Variants in ANKS1B observed in about 807,000 individuals in gnomAD.
ANKS1B encodes ankyrin repeat and sterile alpha motif domain containing 1B, also known as ankyrin repeat and sterile alpha motif domain-containing protein 1B.
ANKS1B carries 36 observed loss-of-function variants against 148.3 expected under a neutral mutation model. That is an observed-to-expected ratio of 0.24 (90% CI 0.19 to 0.32). The LOEUF is 0.32. ANKS1B is among the 10% of genes least tolerant of loss of function. The probability of loss-of-function intolerance (pLI) is 1.00; values close to 1 mark genes in which losing one functional copy is unlikely to be tolerated. For missense variants in ANKS1B, 1,157 were observed against 1,542.6 expected (o/e 0.75, Z 4.19); for synonymous variants, 542 against 560.8 (o/e 0.97, Z 0.47).
intron 15 of ANKS1B, among the ~76,000 whole-genome samples, chr12:99,119,443 TTCATGG>T (rs1236324990): frequency 1.3e-5 from 2 of 152,172 alleles, no homozygotes; most frequent in Non-Finnish European, 2.9e-5. Flanking sequence ...AGCCAGCAAG[TTCATGG>T]TAATTTGTTA....
chr12:99,565,799 G>A lies in ANKS1B; in HGVS notation c.1273-61158C>T, dbSNP rs374844912. On this transcript the variant is annotated intron_variant, in intron 9 of 26. Coordinates refer to ENST00000683438, the MANE Select transcript of ANKS1B (RefSeq NM_001352186.2). The stretch of plus-strand genomic sequence containing the variant: ...GTTTCTGCTTCAATAAATTTCTCAA[G>A]AACTTTGTGGGTCTTCCATGGATTT... Among the ~76,000 whole-genome samples the A allele has an allele frequency of 2.0e-5, 3 of 152,254 alleles. No individual in the cohort carries two copies. The South Asian group carries it at 6.2e-4, about 32-fold the overall frequency.
intron 9 of ANKS1B, among the ~76,000 whole-genome samples, chr12:99,554,746 T>C (rs751459119): frequency 2.6e-5 from 4 of 152,322 alleles, no homozygotes; most frequent in East Asian, 1.9e-4. Context: ...TTTTGTTATA[T>C]AGATAATTTG....
At chr12:98,931,067 G>A (rs2099813286) in intron 17 of ANKS1B, among the ~76,000 whole-genome samples, 1 of 152,076 alleles carries the variant, frequency 6.6e-6, no homozygotes, top group South Asian at 2.1e-4. Flanking sequence ...TAAGGCACGA[G>A]GAGCAATAGC....
At chr12:99,341,547 T>C (rs2089921957) in intron 12 of ANKS1B, among the ~76,000 whole-genome samples, 1 of 152,140 alleles carries the variant, frequency 6.6e-6, no homozygotes, top group Admixed American at 6.6e-5. Context: ...TCTGTTCCCT[T>C]CTGCATCTAA....
At chr12:99,602,321 G>C (rs1472389937) in intron 9 of ANKS1B, among the ~76,000 whole-genome samples, 1 of 151,998 alleles carries the variant, frequency 6.6e-6, no homozygotes, top group Admixed American at 6.6e-5. Flanking sequence ...GACAAATAAT[G>C]GTTGTGTCTA....
chr12:98,889,991 G>T (rs972150412), intron 17 of ANKS1B, among the ~76,000 whole-genome samples: 9 of 152,140 alleles, frequency 5.9e-5, no homozygotes, highest in Non-Finnish European at 1.0e-4. Context: ...AAAGATATCT[G>T]AGATAAGAGC....
intron 2 of ANKS1B, among the ~76,000 whole-genome samples, chr12:99,821,556 T>C (rs1031058449): frequency 6.6e-6 from 1 of 151,912 alleles, no homozygotes; most frequent in Non-Finnish European, 1.5e-5. Flanking sequence ...TAAATCAGCA[T>C]TTACTAAATA....
chr12:99,000,118 G>C (rs1261552167), intron 17 of ANKS1B, among the ~76,000 whole-genome samples: 1 of 151,462 alleles, frequency 6.6e-6, no homozygotes, highest in African/African-American at 2.4e-5. Context: ...AGGAGAGTAA[G>C]GAAAAAATAG....
intron 8 of ANKS1B, among the ~76,000 whole-genome samples, chr12:99,742,911 A>G (rs2060262638): frequency 1.3e-5 from 2 of 151,870 alleles, no homozygotes; most frequent in African/African-American, 4.8e-5. Flanking sequence ...TCAATTACTA[A>G]TGTTAGAAGC....
At chr12:98,762,162 T>C (rs1053485723) in intron 25 of ANKS1B, among the ~76,000 whole-genome samples, 2 of 152,152 alleles carry the variant, frequency 1.3e-5, no homozygotes, top group African/African-American at 2.4e-5. Context: ...GAAAAGTGTC[T>C]ATCAGTGAAT....
chr12:99,374,896 G>T (rs2093324633), intron 12 of ANKS1B, among the ~76,000 whole-genome samples: 1 of 152,066 alleles, frequency 6.6e-6, no homozygotes, highest in East Asian at 1.9e-4. Context: ...ATAAAAAATT[G>T]ACTTGGATTC....
intron 17 of ANKS1B, among the ~76,000 whole-genome samples, chr12:99,024,636 G>T (rs2099947704): frequency 1.3e-5 from 2 of 152,084 alleles, no homozygotes; most frequent in African/African-American, 4.8e-5. Context: ...TATTTTATAT[G>T]TTTTAAATTT....
intron 16 of ANKS1B, among the ~76,000 whole-genome samples, chr12:99,054,248 G>T (rs182153539): frequency 6.6e-6 from 1 of 152,152 alleles, no homozygotes; most frequent in Non-Finnish European, 1.5e-5. Flanking sequence ...TAAAATTCAC[G>T]ATGGAAACAG....
chr12:99,512,981 A>G (rs1284714407), intron 9 of ANKS1B, among the ~76,000 whole-genome samples: 1 of 151,960 alleles, frequency 6.6e-6, no homozygotes, highest in African/African-American at 2.4e-5. Context: ...TGATCTGTGC[A>G]GCAAACCACC....
chr12:98,886,174 G>A (rs1025519312), intron 17 of ANKS1B, among the ~76,000 whole-genome samples: 4 of 152,124 alleles, frequency 2.6e-5, no homozygotes, highest in African/African-American at 7.2e-5. Flanking sequence ...GTAGAATAAC[G>A]AGTTCAATGA....
intron 1 of ANKS1B, among the ~76,000 whole-genome samples, chr12:99,854,913 C>G (rs2088710626): frequency 6.6e-6 from 1 of 152,000 alleles, no homozygotes; most frequent in African/African-American, 2.4e-5. Flanking sequence ...AATCTTGAAA[C>G]AAATCCTCTA....
intron 9 of ANKS1B, among the ~76,000 whole-genome samples, chr12:99,599,922 A>G (rs1056647454): frequency 6.6e-6 from 1 of 152,098 alleles, no homozygotes; most frequent in Non-Finnish European, 1.5e-5. Context: ...ATCACTGGCC[A>G]TGAGTATAGT....
chr12:98,741,415 C>T (rs1468591675), downstream of ANKS1B, among the ~76,000 whole-genome samples: 2 of 152,216 alleles, frequency 1.3e-5, no homozygotes, highest in Non-Finnish European at 2.9e-5. Context: ...GTGTGGCTCA[C>T]ACTTATTTTT....
intron 10 of ANKS1B, among the ~76,000 whole-genome samples, chr12:99,503,723 T>C (rs2096678319): frequency 6.6e-6 from 1 of 152,118 alleles, no homozygotes; most frequent in Non-Finnish European, 1.5e-5. Flanking sequence ...ACCACATCAC[T>C]TCTAAAATTT....
Sources: allele counts gnomAD v4.1 joint callset (sites outside exome capture counted in the v4.1 genomes callset), GRCh38; gene constraint gnomAD v4.1.1; transcripts MANE v1.5; gene names NCBI Gene and HGNC (gene_info 2026-07-23, HGNC 2026-07-21).